The following SPG11 variants were observed in gnomAD, a reference collection of about 807,000 sequenced individuals.
SPG11 encodes the protein spatacsin.
In SPG11, 222 loss-of-function variants were observed where a neutral mutation model predicts 274.0. That is an observed-to-expected ratio of 0.81 (90% CI 0.73 to 0.91). SPG11 has a LOEUF of 0.91. Among genes scored for constraint, SPG11 ranks in the 40% least tolerant of loss-of-function variants. The pLI is 0.00. For synonymous variants in SPG11, 1,144 were observed against 1,039.7 expected (o/e 1.10, Z -1.93); for missense variants, 3,114 against 2,872.7 (o/e 1.08, Z -1.92).
rs777673463 is a variant in SPG11, at chr15:44,621,942, C to G, written c.2445-8G>C. On this transcript the variant is annotated splice_region_variant and splice_polypyrimidine_tract_variant and intron_variant, in intron 13 of 39. Transcript: ENST00000261866. ...TGTTCCTTTATCCAGTACCTAAAAACAGTGATATAAATTTTTTTTTTTTTA... is the reference window on the plus strand; with the variant it reads ...TGTTCCTTTATCCAGTACCTAAAAAGAGTGATATAAATTTTTTTTTTTTTA... 10 of 1,598,510 alleles carry G rather than the reference C, an allele frequency of 6.3e-6. No individual in the cohort carries two copies. The highest frequency in any genetic ancestry group is 7.7e-6 in the Non-Finnish European group (9 of 1,173,154).
At chr15:44,563,829 A>AAGTACCACTTACTATTACCTAT (rs2082250518) in intron 39 of SPG11, among the ~76,000 whole-genome samples, 1 of 152,086 alleles carries the variant, frequency 6.6e-6, no homozygotes, top group Non-Finnish European at 1.5e-5. Flanking sequence ...GTCAGCTCTG[A>AAGTACCACTTACTATTACCTAT]AGTACCACTT....
chr15:44,650,247 G>A (rs1000241152), intron 6 of SPG11, among the ~76,000 whole-genome samples: 4 of 152,030 alleles, frequency 2.6e-5, no homozygotes, highest in African/African-American at 9.7e-5. Context: ...GGCTAAGCAT[G>A]GTGGCTCACG....
At chr15:44,599,662 T>C (rs1329464602) in intron 21 of SPG11, among the ~76,000 whole-genome samples, 1 of 152,160 alleles carries the variant, frequency 6.6e-6, no homozygotes. Flanking sequence ...TATCTTTCAT[T>C]TTCACCTTTC....
chr15:44,603,501 T>C (rs2083247042), intron 20 of SPG11, among the ~76,000 whole-genome samples: 1 of 152,236 alleles, frequency 6.6e-6, no homozygotes, highest in Non-Finnish European at 1.5e-5. Flanking sequence ...ATGAATATCT[T>C]AGAAAGATGG....
intron 8 of SPG11, among the ~76,000 whole-genome samples, chr15:44,629,899 C>T (rs1198051648): frequency 1.3e-5 from 2 of 152,106 alleles, no homozygotes; most frequent in African/African-American, 2.4e-5. Context: ...GGTGAAACCC[C>T]GCCTCTACTA....
At chr15:44,589,553 T>C in intron 27 of SPG11, 139 bp from the exon 28 acceptor site, 1 of 999,296 alleles carries the variant, frequency 1.0e-6, no homozygotes, top group East Asian at 2.6e-5. Flanking sequence ...CTCAGTTCCT[T>C]TCCAAATGGC....
chr15:44,653,824 T>C (rs987350663), intron 4 of SPG11, among the ~76,000 whole-genome samples: 26 of 152,218 alleles, frequency 1.7e-4, no homozygotes, highest in Non-Finnish European at 2.2e-4. Flanking sequence ...ATACATACAG[T>C]TGACCCTTGA....
At position 44,606,107 on chromosome 15, in the gene SPG11, A is replaced by C. The variant is rs748525826; in HGVS notation, c.3454-16T>G. The C allele has an allele frequency of 2.4e-5, 39 of 1,611,990 alleles. No homozygotes were observed. Among genetic ancestry groups the C allele is most frequent in the Non-Finnish European group, 3.3e-5 (39 of 1,178,470 alleles). On this transcript the variant is annotated splice_polypyrimidine_tract_variant and intron_variant, in intron 19 of 39. Transcript: ENST00000261866. ...GTGATAATGACTGAAAAAGGGGAAA[A>C]GTTAAACAGAATTAGAAGTTCACTG...
chr15:44,563,817 C>A (rs17515108), intron 39 of SPG11, among the ~76,000 whole-genome samples: 1,564 of 152,220 alleles, frequency 0.01, 16 homozygotes, highest in Admixed American at 0.019. Flanking sequence ...TGAGTGAGGG[C>A]TGTCAGCTCT....
intron 15 of SPG11, among the ~76,000 whole-genome samples, chr15:44,619,644 C>A (rs2083684650): frequency 6.6e-6 from 1 of 152,006 alleles, no homozygotes; most frequent in South Asian, 2.1e-4. Context: ...TACCAAAGTG[C>A]ATAAAATGTT....
chr15:44,578,222 G>C (rs1278702750), intron 30 of SPG11, among the ~76,000 whole-genome samples: 1 of 147,812 alleles, frequency 6.8e-6, no homozygotes, highest in Non-Finnish European at 1.5e-5. Flanking sequence ...TTTTAGTAGA[G>C]ATGGGGTTTC....
chr15:44,569,247 C>T, intron 35 of SPG11, 151 bp downstream of exon 35: 1 of 686,542 alleles, frequency 1.5e-6, no homozygotes, highest in South Asian at 1.6e-5. Flanking sequence ...TCTGAAGCCA[C>T]TGGTGACAGT....
At chr15:44,624,962 C>T (rs1211968382) in intron 11 of SPG11, among the ~76,000 whole-genome samples, 1 of 151,972 alleles carries the variant, frequency 6.6e-6, no homozygotes, top group East Asian at 1.9e-4. Flanking sequence ...TGGAGAAACC[C>T]CGTCTCTGCT....
intron 15 of SPG11, among the ~76,000 whole-genome samples, chr15:44,616,577 A>T (rs941401588): frequency 6.6e-6 from 1 of 152,176 alleles, no homozygotes; most frequent in Non-Finnish European, 1.5e-5. Context: ...TGAACTTTGT[A>T]TTATGTGGAA....
chr15:44,641,244 G>A (rs2084430347), intron 7 of SPG11, among the ~76,000 whole-genome samples: 1 of 151,976 alleles, frequency 6.6e-6, no homozygotes, highest in Non-Finnish European at 1.5e-5. Flanking sequence ...GCTGTGAGCT[G>A]AGATCTCTCC....
rs891893476 is a variant in SPG11 at position 44,660,635 on chromosome 15, A to G, written c.258-19T>C. ...TAGAAAGCTAAGAAAAAAAGTTTAG[A>G]TTTATTATATTCTATATCCGCAATA... On this transcript the variant is annotated intron_variant, in intron 1 of 39. Coordinates refer to ENST00000261866, the MANE Select transcript of SPG11 (RefSeq NM_025137.4). 2.5e-6 allele frequency: 4 copies of G among 1,610,412 alleles called. No homozygotes were observed. The African/African-American group carries it at 5.3e-5, about 22-fold the overall frequency.
chr15:44,563,708 A>AGAGT (rs1385555278), intron 39 of SPG11, among the ~76,000 whole-genome samples: 1 of 151,806 alleles, frequency 6.6e-6, no homozygotes, highest in African/African-American at 2.4e-5. Flanking sequence ...GTGGTTTTTC[A>AGAGT]GAGTGTGAAC....
intron 6 of SPG11, among the ~76,000 whole-genome samples, chr15:44,649,875 C>A (rs2084714461): frequency 6.9e-6 from 1 of 145,800 alleles, no homozygotes; most frequent in Non-Finnish European, 1.5e-5. Context: ...GCCAGGGAGA[C>A]AAGAGTGAGA....
chr15:44,585,210 A>C lies in SPG11; in HGVS notation c.5121+426T>G, dbSNP rs967442988. Among the ~76,000 whole-genome samples the C allele has an allele frequency of 2.6e-5, 4 of 152,144 alleles. No homozygotes were observed. The East Asian group carries it at 7.7e-4, about 29-fold the overall frequency. On this transcript the variant is annotated intron_variant, in intron 29 of 39. Coordinates refer to ENST00000261866, the MANE Select transcript of SPG11 (RefSeq NM_025137.4). ...TAATGTGTGTGTCAAAAGTAAAAAAAAAAGTCTTATCTCCTATAAATTATA... is the reference window on the plus strand; with the variant it reads ...TAATGTGTGTGTCAAAAGTAAAAAACAAAGTCTTATCTCCTATAAATTATA...
Sources: gnomAD v4.1 joint callset for allele counts (sites outside exome capture counted in the v4.1 genomes callset) on GRCh38, gnomAD v4.1.1 for gene constraint, MANE v1.5 for transcripts, NCBI Gene and HGNC (gene_info 2026-07-23, HGNC 2026-07-21) for gene names.